The following WDFY4 variants were observed in gnomAD, a reference collection of about 807,000 sequenced individuals.
WDFY4 encodes WD repeat- and FYVE domain-containing protein 4.
In WDFY4, 169 loss-of-function variants were observed where a neutral mutation model predicts 351.9. The ratio of observed to expected loss-of-function variants is 0.48; its 90% confidence interval spans 0.42 to 0.55. The LOEUF is 0.55. Ranked by LOEUF, WDFY4 falls within the 20% of genes least tolerant of loss-of-function variation. The pLI, the probability that WDFY4 is intolerant of heterozygous loss-of-function variation, is 0.00. For missense variants in WDFY4, 3,803 were observed against 3,935.6 expected (o/e 0.97, Z 0.90); for synonymous variants, 1,622 against 1,574.6 (o/e 1.03, Z -0.71).
At chr10:48,896,481 G>A (rs548695485) in intron 44 of WDFY4, among the ~76,000 whole-genome samples, 3 of 152,294 alleles carry the variant, frequency 2.0e-5, no homozygotes, top group South Asian at 2.1e-4. Context: ...GGTTTGACAC[G>A]AGACATCACT....
At chr10:48,895,675 G>C (rs1837040982) in intron 44 of WDFY4, among the ~76,000 whole-genome samples, 2 of 152,204 alleles carry the variant, frequency 1.3e-5, no homozygotes, top group Admixed American at 1.3e-4. Context: ...TTAGCTCAAG[G>C]CATTTCAGTT....
At chr10:48,976,052 T>C (rs1456825790) in intron 58 of WDFY4, among the ~76,000 whole-genome samples, 3 of 152,162 alleles carry the variant, frequency 2.0e-5, no homozygotes, top group Non-Finnish European at 1.5e-5. Flanking sequence ...CAGTCTGTGC[T>C]TGCTGGTTGT....
At chr10:48,825,533 AC>A (rs1451999685) in intron 35 of WDFY4, among the ~76,000 whole-genome samples, 1 of 152,242 alleles carries the variant, frequency 6.6e-6, no homozygotes, top group African/African-American at 2.4e-5. Flanking sequence ...AGGAATCACC[AC>A]ATCGTCTTCC....
intron 41 of WDFY4, among the ~76,000 whole-genome samples, chr10:48,873,960 ACCTATGCTGCAGGCACAG>A (rs1191240269): frequency 6.6e-6 from 1 of 152,120 alleles, no homozygotes; most frequent in Non-Finnish European, 1.5e-5. Flanking sequence ...AGTGGTTCTT[ACCTATGCTGCAGGCACAG>A]CCCTGTGCTG....
At chr10:48,705,458 G>T (rs1223874050) in intron 1 of WDFY4, among the ~76,000 whole-genome samples, 1 of 152,140 alleles carries the variant, frequency 6.6e-6, no homozygotes, top group African/African-American at 2.4e-5. Flanking sequence ...GAGGCTGCTG[G>T]CTTGTAGGTG....
At chr10:48,974,506 A>AT (rs1259346731) in intron 57 of WDFY4, among the ~76,000 whole-genome samples, 1 of 17,160 alleles carries the variant, frequency 5.8e-5, no homozygotes, top group African/African-American at 7.6e-5. Context: ...CCGTCTCAAA[A>AT]AAAAAAAAAA....
At chr10:48,784,573 C>T (rs1345767290) in intron 19 of WDFY4, among the ~76,000 whole-genome samples, 1 of 88,888 alleles carries the variant, frequency 1.1e-5, no homozygotes, top group Non-Finnish European at 2.0e-5. Context: ...GATGGAGTCT[C>T]ACTCTGTTGG....
In WDFY4 at chr10:48,778,722, T is replaced by C; in HGVS notation, c.3287T>C (p.Val1096Ala). 1 of 1,551,674 alleles carries C rather than the reference T, an allele frequency of 6.4e-7. No homozygotes were observed. Among genetic ancestry groups the C allele is most frequent in the South Asian group, 1.2e-5 (1 of 84,064 alleles). Residue 1096 changes from valine (V) to alanine (A), a missense_variant, in exon 18 of 62, where the codon GTG becomes GCG. By Grantham distance (64) the Val-to-Ala change is moderately conservative. Transcript: ENST00000325239. ...CACCCGCTGCGCTTCCTGACGTTGG[T>C]GCGCCACCTGGCCAGGACTGAGCAA... is the stretch of plus-strand genomic sequence containing the variant. ...EGHPLRFLTL[V>A]RHLARTEQPF... is the part of the protein sequence containing the mutation.
intron 14 of WDFY4, among the ~76,000 whole-genome samples, 153 bp from the exon 15 acceptor site, chr10:48,775,559 C>T (rs2066003440): frequency 6.6e-6 from 1 of 152,180 alleles, no homozygotes; most frequent in African/African-American, 2.4e-5. Flanking sequence ...AGGGCAGAGA[C>T]ACCCTGTCTC....
In WDFY4 at chr10:48,828,884, A is replaced by T. The variant is rs1428093344; in HGVS notation, c.6328A>T (p.Ser2110Cys). The change falls in exon 37 of 62, where the codon AGT (serine) becomes TGT (cysteine). Residue 2110 changes from serine (S) to cysteine (C), a missense_variant. Ser to Cys is a moderately radical substitution (Grantham distance 112, BLOSUM62 -1). Transcript: ENST00000325239. ...DVKEKREDLP[S>C]LSDVQHNIQK... is the part of the protein sequence containing the mutation. The stretch of plus-strand genomic sequence containing the variant: ...GAAAGAAAAAAGAGAAGACTTACCA[A>T]GTTTGAGTGATGGTACATTTTATTT... The T allele has an allele frequency of 8.1e-7, 1 of 1,232,406 alleles. No homozygotes were observed. Among genetic ancestry groups the T allele is most frequent in the Non-Finnish European group, 1.0e-6 (1 of 955,870 alleles). The allele number at this position is 1,232,406 out of a possible 1,614,324, so 76.3% of individuals were successfully genotyped here.
chr10:48,742,829 C>T, intron 11 of WDFY4, 139 bp from the exon 12 acceptor site: 2 of 772,868 alleles, frequency 2.6e-6, no homozygotes, highest in Non-Finnish European at 2.0e-6. Flanking sequence ...CCCAATGTTT[C>T]AGAGTGATCC....
At chr10:48,959,890 A>G (rs1841781052) in intron 53 of WDFY4, 77 bp downstream of exon 53, 2 of 1,348,050 alleles carry the variant, frequency 1.5e-6, no homozygotes, top group Non-Finnish European at 2.1e-6. Flanking sequence ...CTTTCTGTCC[A>G]AGTGGAGGGC....
chr10:48,870,312 G>T (rs1028489922), intron 40 of WDFY4, among the ~76,000 whole-genome samples: 2 of 152,196 alleles, frequency 1.3e-5, no homozygotes, highest in African/African-American at 4.8e-5. Context: ...TGGGCAGTAG[G>T]ATTGTTTGAT....
intron 1 of WDFY4, among the ~76,000 whole-genome samples, chr10:48,693,376 A>C (rs764188643): frequency 6.6e-6 from 1 of 152,210 alleles, no homozygotes; most frequent in Non-Finnish European, 1.5e-5. Flanking sequence ...TACCAGCCTC[A>C]TACAGGGCAG....
intron 13 of WDFY4, among the ~76,000 whole-genome samples, chr10:48,770,978 T>A (rs2065846127): frequency 6.6e-6 from 1 of 152,198 alleles, no homozygotes; most frequent in African/African-American, 2.4e-5. Context: ...TAATCTAATG[T>A]AGTTTTATCC....
intron 39 of WDFY4, among the ~76,000 whole-genome samples, chr10:48,853,350 C>T (rs2069020356): frequency 6.6e-6 from 1 of 152,200 alleles, no homozygotes; most frequent in Non-Finnish European, 1.5e-5. Context: ...CAAACTTGCT[C>T]TTATTTTTGT....
At chr10:48,792,022 A>G (rs1418347237) in intron 23 of WDFY4, among the ~76,000 whole-genome samples, 1 of 151,598 alleles carries the variant, frequency 6.6e-6, no homozygotes, top group African/African-American at 2.4e-5. Flanking sequence ...CATATCCCAA[A>G]CTCCCTAGAC....
At chr10:48,795,491 GTATATATATATA>G (rs60705301) in intron 23 of WDFY4, among the ~76,000 whole-genome samples, 19 of 101,240 alleles carry the variant, frequency 1.9e-4, no homozygotes, top group Admixed American at 4.0e-4. Context: ...GTGTGTGTCT[GTATATATATATA>G]TATATATATA....
At chr10:48,947,055 A>T in intron 51 of WDFY4, 86 bp downstream of exon 51, 6 of 1,127,256 alleles carry the variant, frequency 5.3e-6, no homozygotes, top group African/African-American at 1.6e-5. Context: ...CCTGTGCTTG[A>T]ACAAAGACAG....
Sources: allele counts gnomAD v4.1 joint callset (sites outside exome capture counted in the v4.1 genomes callset), GRCh38; gene constraint gnomAD v4.1.1; transcripts MANE v1.5; gene names NCBI Gene and HGNC (gene_info 2026-07-23, HGNC 2026-07-21).